Variants in OCIAD1 observed in about 807,000 individuals in gnomAD.
The protein encoded by OCIAD1 is OCIA domain containing 1.
Under a neutral mutation model 38.9 loss-of-function variants are expected in OCIAD1, and 29 were observed. That is an observed-to-expected ratio of 0.74 (90% CI 0.55 to 1.02). The LOEUF (loss-of-function observed/expected upper bound fraction) is 1.02. Ranked by LOEUF, OCIAD1 falls within the 50% of genes least tolerant of loss-of-function variation. The pLI, the probability that OCIAD1 is intolerant of heterozygous loss-of-function variation, is 0.00. For missense variants in OCIAD1, 288 were observed against 289.6 expected (o/e 0.99, Z 0.04); for synonymous variants, 110 against 92.0 (o/e 1.20, Z -1.12).
intron 1 of OCIAD1, among the ~76,000 whole-genome samples, chr4:48,809,635 T>C (rs1477409715): frequency 6.6e-6 from 1 of 152,164 alleles, no homozygotes; most frequent in Non-Finnish European, 1.5e-5. Flanking sequence ...TCAGCTCTTA[T>C]CACCTTCTCT....
intron 3 of OCIAD1, among the ~76,000 whole-genome samples, chr4:48,841,973 G>A (rs545665158): frequency 5.1e-4 from 78 of 152,158 alleles, no homozygotes; most frequent in African/African-American, 1.7e-3. Flanking sequence ...GTATGATTAC[G>A]GTCAAATATG....
intron 1 of OCIAD1, among the ~76,000 whole-genome samples, chr4:48,831,878 A>G (rs1777539499): frequency 6.6e-6 from 1 of 152,178 alleles, no homozygotes; most frequent in African/African-American, 2.4e-5. Context: ...TCCTGTTTCC[A>G]TGCAAATTGT....
At chr4:48,825,012 C>T (rs1777234393) in intron 1 of OCIAD1, among the ~76,000 whole-genome samples, 1 of 152,210 alleles carries the variant, frequency 6.6e-6, no homozygotes, top group African/African-American at 2.4e-5. Context: ...CTGGGACTTA[C>T]AGGCATGAGC....
intron 1 of OCIAD1, among the ~76,000 whole-genome samples, chr4:48,806,774 TG>T (rs567279528): frequency 2.7e-5 from 4 of 149,780 alleles, no homozygotes; most frequent in African/African-American, 9.9e-5. Context: ...CCCAGCTAAT[TG>T]TTGTATTTTT....
chr4:48,810,430 C>T (rs1250329820), intron 1 of OCIAD1, among the ~76,000 whole-genome samples: 4 of 140,172 alleles, frequency 2.9e-5, no homozygotes, highest in Middle Eastern at 4.1e-3. Context: ...GATCGCACCA[C>T]TGCACTCCAA....
intron 8 of OCIAD1, chr4:48,860,310 A>ATT (rs201518150): frequency 1.5e-4 from 21 of 138,028 alleles, no homozygotes; most frequent in Non-Finnish European, 1.9e-4. Context: ...ATTTCCCACT[A>ATT]TTTTTTTTTT....
intron 7 of OCIAD1, among the ~76,000 whole-genome samples, chr4:48,855,126 G>T (rs1373821640): frequency 4.6e-5 from 7 of 152,174 alleles, no homozygotes; most frequent in African/African-American, 1.7e-4. Context: ...TATTAGACCT[G>T]GAAGGAACTT....
At chr4:48,812,741 T>G (rs1343200953) in intron 1 of OCIAD1, among the ~76,000 whole-genome samples, 5 of 152,172 alleles carry the variant, frequency 3.3e-5, no homozygotes, top group South Asian at 2.1e-4. Flanking sequence ...GAAGTAGAGA[T>G]AATTCTTTCA....
chr4:48,832,353 T>TA (rs1233212061), intron 1 of OCIAD1, among the ~76,000 whole-genome samples: 1 of 152,072 alleles, frequency 6.6e-6, no homozygotes, highest in East Asian at 1.9e-4. Context: ...ATCTTGATAG[T>TA]AAAAAAAATT....
chr4:48,812,447 A>G (rs1210905747), intron 1 of OCIAD1, among the ~76,000 whole-genome samples: 1 of 151,854 alleles, frequency 6.6e-6, no homozygotes, highest in Non-Finnish European at 1.5e-5. Context: ...CAAAATTTGG[A>G]AATCAGAAAG....
chr4:48,823,436 C>T (rs563143734), intron 1 of OCIAD1, among the ~76,000 whole-genome samples: 5 of 151,986 alleles, frequency 3.3e-5, no homozygotes, highest in Non-Finnish European at 5.9e-5. Flanking sequence ...GGGCAAATAC[C>T]TAATGGATGC....
chr4:48,831,359 G>T, intron 1 of OCIAD1, 110 bp downstream of exon 1: 1 of 516,812 alleles, frequency 1.9e-6, no homozygotes, highest in South Asian at 1.6e-5. Flanking sequence ...GCCTGTGAGG[G>T]TGGACAGATC....
chr4:48,826,402 T>C (rs967843488), upstream of OCIAD1, among the ~76,000 whole-genome samples: 1 of 152,092 alleles, frequency 6.6e-6, no homozygotes, highest in Non-Finnish European at 1.5e-5. Flanking sequence ...GAACATGCGG[T>C]GTTTGGTTTT....
intron 8 of OCIAD1, among the ~76,000 whole-genome samples, chr4:48,858,196 A>G (rs1170949950): frequency 1.3e-5 from 2 of 152,104 alleles, no homozygotes; most frequent in Non-Finnish European, 2.9e-5. Context: ...GTGAAGTCCA[A>G]ATAGTAAGTC....
chr4:48,811,229 A>G (rs567940749), intron 1 of OCIAD1, among the ~76,000 whole-genome samples: 3 of 152,272 alleles, frequency 2.0e-5, no homozygotes, highest in African/African-American at 7.2e-5. Flanking sequence ...AACTTATTGC[A>G]GAAGTCCCCT....
intron 1 of OCIAD1, among the ~76,000 whole-genome samples, chr4:48,817,448 A>C (rs1485842379): frequency 3.9e-5 from 6 of 152,162 alleles, no homozygotes; most frequent in Non-Finnish European, 7.4e-5. Context: ...TGCACTCTGC[A>C]GATCAGGAGA....
rs1398143331 is a variant in OCIAD1 at position 48,861,443 on chromosome 4, TTGGGAGGCCGAAG to T, written c.*689_*701del. On this transcript the variant is annotated 3_prime_UTR_variant, in exon 9 of 9. Coordinates refer to ENST00000264312, the MANE Select transcript of OCIAD1 (RefSeq NM_017830.4). ...GGTTCATGCCTGTAATCCCAGCACT[TTGGGAGGCCGAAG>T]TGGGAGGATTGCATGAGTCCAGGAG... 6.6e-6 allele frequency: 1 copy of T among 152,256 alleles called. No homozygotes were observed. Among genetic ancestry groups the T allele is most frequent in the Non-Finnish European group, 1.5e-5 (1 of 68,112 alleles). 9.4% of individuals were successfully genotyped at this position (152,256 alleles called of 1,614,324 possible). A position where few individuals can be genotyped will look rare whatever the true frequency, so the allele number is the denominator to read the frequency against.
At chr4:48,818,445 G>A (rs2109492961) in intron 1 of OCIAD1, among the ~76,000 whole-genome samples, 1 of 152,320 alleles carries the variant, frequency 6.6e-6, no homozygotes, top group South Asian at 2.1e-4. Flanking sequence ...ATCAAAGGTA[G>A]ATAAATCCAC....
In OCIAD1 at chr4:48,849,518, G is replaced by C. The variant is rs187592452; in HGVS notation, c.242-429G>C. Among the ~76,000 whole-genome samples the C allele has an allele frequency of 1.6e-3, 246 of 152,222 alleles. 2 individuals carry two copies. The highest frequency in any genetic ancestry group is 5.7e-3 in the African/African-American group (235 of 41,548). ...TTAAAACAATCTTGTGAAAATGGCT[G>C]TGCATATGATATTCTGTTTTATAGG... is the stretch of plus-strand genomic sequence containing the variant. On this transcript the variant is annotated intron_variant, in intron 5 of 8. Transcript: ENST00000264312.
Sources: gnomAD v4.1 joint callset for allele counts (sites outside exome capture counted in the v4.1 genomes callset) on GRCh38, gnomAD v4.1.1 for gene constraint, MANE v1.5 for transcripts, NCBI Gene and HGNC (gene_info 2026-07-23, HGNC 2026-07-21) for gene names.